Variants in STX8 observed in about 807,000 individuals in gnomAD.
STX8 encodes syntaxin 8.
Under a neutral mutation model 37.5 loss-of-function variants are expected in STX8, and 23 were observed. The observed-to-expected ratio is 0.61, with a 90% CI of 0.44 to 0.87. The LOEUF is 0.87. Among genes scored for constraint, STX8 ranks in the 40% least tolerant of loss-of-function variants. The pLI is 0.00. For missense variants in STX8, 313 were observed against 284.7 expected, an observed-to-expected ratio of 1.10 and a Z score of -0.71; for synonymous variants, 115 against 99.1, an observed-to-expected ratio of 1.16 and a Z score of -0.95.
chr17:9,411,562 A>T (rs903951556), intron 6 of STX8, among the ~76,000 whole-genome samples: 4 of 152,254 alleles, frequency 2.6e-5, no homozygotes, highest in Non-Finnish European at 5.9e-5. Flanking sequence ...TCTCAAAAGC[A>T]GTTCAGCTGT....
At chr17:9,477,034 T>G (rs1906135260) in intron 6 of STX8, among the ~76,000 whole-genome samples, 1 of 152,004 alleles carries the variant, frequency 6.6e-6, no homozygotes, top group African/African-American at 2.4e-5. Flanking sequence ...TTATTATTAT[T>G]TCTTGTAGAG....
chr17:9,333,436 G>A (rs1173813205), intron 7 of STX8, among the ~76,000 whole-genome samples: 1 of 152,188 alleles, frequency 6.6e-6, no homozygotes, highest in Admixed American at 6.5e-5. Context: ...CACCCAGGCT[G>A]GAGTGCAGTG....
chr17:9,454,856 T>C (rs1214613268), intron 6 of STX8, among the ~76,000 whole-genome samples: 1 of 152,088 alleles, frequency 6.6e-6, no homozygotes, highest in Non-Finnish European at 1.5e-5. Context: ...TCATCCTCTT[T>C]GGAGACAAAA....
chr17:9,501,668 G>A (rs1179041838), intron 5 of STX8, among the ~76,000 whole-genome samples: 1 of 148,700 alleles, frequency 6.7e-6, no homozygotes, highest in Non-Finnish European at 1.5e-5. Flanking sequence ...TCCAGCCTGG[G>A]CAACAGTCTC....
At chr17:9,551,006 C>T (rs576498895) in intron 3 of STX8, among the ~76,000 whole-genome samples, 2 of 152,188 alleles carry the variant, frequency 1.3e-5, no homozygotes, top group South Asian at 2.1e-4. Flanking sequence ...ACCTGTGAGG[C>T]GGTGGTTGCA....
intron 6 of STX8, among the ~76,000 whole-genome samples, chr17:9,481,990 A>G (rs1379274634): frequency 6.6e-6 from 1 of 152,142 alleles, no homozygotes; most frequent in Admixed American, 6.5e-5. Flanking sequence ...CCGCTGTTCT[A>G]TGGCAACCTA....
intron 7 of STX8, among the ~76,000 whole-genome samples, chr17:9,339,280 T>G (rs1163851167): frequency 6.6e-6 from 1 of 152,080 alleles, no homozygotes; most frequent in Non-Finnish European, 1.5e-5. Context: ...TCATTCTTGA[T>G]TACATAACTA....
chr17:9,573,437 T>G (rs958020818), intron 1 of STX8, among the ~76,000 whole-genome samples: 4 of 152,164 alleles, frequency 2.6e-5, no homozygotes, highest in Admixed American at 2.0e-4. Context: ...AATCTACTTA[T>G]GACCTGGAAG....
chr17:9,261,411 A>G (rs987436966), intron 7 of STX8, among the ~76,000 whole-genome samples: 4 of 152,128 alleles, frequency 2.6e-5, no homozygotes, highest in Non-Finnish European at 4.4e-5. Context: ...GTCGGGTCCA[A>G]TGGGTGCAAA....
chr17:9,536,765 T>C (rs1477350840), intron 4 of STX8, among the ~76,000 whole-genome samples: 1 of 150,894 alleles, frequency 6.6e-6, no homozygotes, highest in African/African-American at 2.4e-5. Flanking sequence ...TTTTTTGAGA[T>C]GGGGTTTCAC....
chr17:9,359,864 G>A (rs1911006757), intron 7 of STX8, among the ~76,000 whole-genome samples: 6 of 151,976 alleles, frequency 3.9e-5, no homozygotes, highest in Admixed American at 3.9e-4. Context: ...GGGATCAAAG[G>A]TGATTTTATT....
chr17:9,471,903 C>T (rs976169000), intron 6 of STX8, among the ~76,000 whole-genome samples: 4 of 152,166 alleles, frequency 2.6e-5, no homozygotes, highest in African/African-American at 9.7e-5. Flanking sequence ...AGGATAACTA[C>T]AGTCCATTCC....
intron 6 of STX8, among the ~76,000 whole-genome samples, chr17:9,419,853 C>T (rs185413315): frequency 2.1e-4 from 32 of 152,272 alleles, no homozygotes; most frequent in Non-Finnish European, 3.8e-4. Flanking sequence ...ATAAGATTCA[C>T]GGAAACTTCA....
chr17:9,415,019 G>A (rs1034523440), intron 6 of STX8, among the ~76,000 whole-genome samples: 1 of 151,876 alleles, frequency 6.6e-6, no homozygotes, highest in Non-Finnish European at 1.5e-5. Context: ...TTGAACTCCT[G>A]ACCTCAGGTG....
intron 2 of STX8, among the ~76,000 whole-genome samples, chr17:9,562,619 T>A (rs1907292955): frequency 6.7e-6 from 1 of 149,766 alleles, no homozygotes; most frequent in African/African-American, 2.5e-5. Context: ...AAAAAATATA[T>A]ATATATATAT....
At chr17:9,365,661 A>G (rs1293104882) in intron 7 of STX8, among the ~76,000 whole-genome samples, 3 of 152,234 alleles carry the variant, frequency 2.0e-5, no homozygotes, top group Non-Finnish European at 4.4e-5. Context: ...CAGAGGACTG[A>G]GCCTTAAGTA....
intron 6 of STX8, among the ~76,000 whole-genome samples, chr17:9,412,310 G>A (rs948676889): frequency 6.9e-6 from 1 of 144,386 alleles, no homozygotes; most frequent in Non-Finnish European, 1.5e-5. Flanking sequence ...ACGGAGTTTT[G>A]CTCTTGTTGC....
intron 4 of STX8, among the ~76,000 whole-genome samples, chr17:9,520,689 G>A (rs77390382): frequency 0.064 from 9,695 of 151,934 alleles, 370 homozygotes; most frequent in Non-Finnish European, 0.08. Flanking sequence ...TGATAATATC[G>A]GGGGGGTGCA....
At chr17:9,392,733 C>G (rs1158735424) in intron 6 of STX8, among the ~76,000 whole-genome samples, 1 of 152,046 alleles carries the variant, frequency 6.6e-6, no homozygotes, top group Non-Finnish European at 1.5e-5. Flanking sequence ...AACTGAAAAA[C>G]ACAATAACCA....
Sources: gnomAD v4.1 joint callset for allele counts (sites outside exome capture counted in the v4.1 genomes callset) on GRCh38, gnomAD v4.1.1 for gene constraint, MANE v1.5 for transcripts, NCBI Gene and HGNC (gene_info 2026-07-23, HGNC 2026-07-21) for gene names.